The following SPECC1 variants were observed in gnomAD, a reference collection of about 807,000 sequenced individuals.
SPECC1 encodes cytospin-B.
In SPECC1, 62 loss-of-function variants were observed where a neutral mutation model predicts 104.1. The ratio of observed to expected loss-of-function variants is 0.60; its 90% confidence interval spans 0.49 to 0.74. SPECC1 has a LOEUF of 0.74. Ranked by LOEUF, SPECC1 falls within the 30% of genes least tolerant of loss-of-function variation. The probability of loss-of-function intolerance (pLI) is 0.00; values close to 1 mark genes in which losing one functional copy is unlikely to be tolerated. For missense variants in SPECC1, 1,306 were observed against 1,310.5 expected (o/e 1.00, Z 0.05); for synonymous variants, 513 against 501.6 (o/e 1.02, Z -0.30).
At chr17:20,150,019 C>T (rs1420003003) in intron 3 of SPECC1, among the ~76,000 whole-genome samples, 2 of 151,982 alleles carry the variant, frequency 1.3e-5, no homozygotes, top group Non-Finnish European at 2.9e-5. Context: ...GTCTCCCAGG[C>T]TGGAGTGCAG....
At chr17:20,123,833 T>G (rs1171895250) in intron 3 of SPECC1, among the ~76,000 whole-genome samples, 2 of 152,234 alleles carry the variant, frequency 1.3e-5, no homozygotes, top group Non-Finnish European at 2.9e-5. Context: ...ATGGTCTCCT[T>G]TAGTCTTTAC....
chr17:20,204,548 G>C lies in SPECC1; in HGVS notation c.499G>C (p.Glu167Gln), dbSNP rs1380602446. 6.2e-6 allele frequency: 10 copies of C among 1,614,086 alleles called. No individual in the cohort carries two copies. The South Asian group carries it at 9.9e-5, about 16-fold the overall frequency. ...ENEGGEKAAL[E>Q]SQVRELLAEA... Reference sequence around the variant, plus strand: ...TGAAGGTGGAGAAAAGGCTGCGCTTGAGTCCCAAGTTCGGGAACTTTTGGC... The same window carrying C: ...TGAAGGTGGAGAAAAGGCTGCGCTTCAGTCCCAAGTTCGGGAACTTTTGGC... Residue 167 changes from glutamate to glutamine, a missense_variant, in exon 4 of 15, where the codon GAG (glutamate) becomes CAG (glutamine). By Grantham distance (29) the Glu-to-Gln change is conservative. Around this residue, in one of 2 missense-constraint regions of SPECC1, gnomAD observed 1,177 missense variants for 1,139.9 expected, o/e 1.03. Transcript: ENST00000395527.
At chr17:20,156,355 G>A (rs1597835541) in intron 3 of SPECC1, 1 of 1,131,386 alleles carries the variant, frequency 8.8e-7, no homozygotes, top group Non-Finnish European at 1.1e-6. Flanking sequence ...CTAAGGTCCT[G>A]GGGTGTGATT....
rs114778647 is a variant in SPECC1, at chr17:20,105,600, C to T, written c.148-4827C>T. ...CTTACTGCTGACTCCTCACCAGAGA[C>T]CCCCCAGCCCTGAGCATGGTGCTGC... On this transcript the variant is annotated intron_variant, in intron 2 of 14. Transcript: ENST00000395527. 6.6e-3 allele frequency among the ~76,000 whole-genome samples: 1,011 copies of T among 152,266 alleles called. 10 individuals carry two copies. The highest frequency in any genetic ancestry group is 0.023 in the African/African-American group (946 of 41,552).
chr17:20,285,259 C>T, intron 12 of SPECC1, among the ~76,000 whole-genome samples: 1 of 152,154 alleles, frequency 6.6e-6, no homozygotes, highest in East Asian at 1.9e-4. Flanking sequence ...CTCTACATTC[C>T]CCCGTCTGCA....
At chr17:20,302,838 C>A (rs1274954044) in intron 13 of SPECC1, among the ~76,000 whole-genome samples, 2 of 142,048 alleles carry the variant, frequency 1.4e-5, no homozygotes, top group Admixed American at 1.4e-4. Flanking sequence ...TGGGGGATCC[C>A]TTGAGCCCAG....
chr17:20,279,490 T>G (rs1238619271), intron 12 of SPECC1, among the ~76,000 whole-genome samples: 5 of 151,794 alleles, frequency 3.3e-5, no homozygotes, highest in African/African-American at 1.2e-4. Flanking sequence ...GCCCGGCTAA[T>G]TTTGTATTTT....
At chr17:20,117,300 G>A (rs1445872723) in intron 3 of SPECC1, among the ~76,000 whole-genome samples, 2 of 152,060 alleles carry the variant, frequency 1.3e-5, no homozygotes, top group Non-Finnish European at 2.9e-5. Context: ...CAAAGAGAAA[G>A]CATCAGAGAA....
chr17:20,202,817 G>T (rs1046328724), intron 3 of SPECC1, among the ~76,000 whole-genome samples: 2 of 151,994 alleles, frequency 1.3e-5, no homozygotes, highest in Non-Finnish European at 2.9e-5. Flanking sequence ...GTTGTTCAGG[G>T]GTCAACTATA....
chr17:20,197,218 C>T (rs1181044220), intron 3 of SPECC1, among the ~76,000 whole-genome samples: 1 of 152,182 alleles, frequency 6.6e-6, no homozygotes, highest in Non-Finnish European at 1.5e-5. Flanking sequence ...GCTGTTAGAG[C>T]TTGAATATCT....
chr17:20,062,098 A>C (rs1050778763), intron 1 of SPECC1, among the ~76,000 whole-genome samples: 2 of 151,956 alleles, frequency 1.3e-5, no homozygotes, highest in Middle Eastern at 3.4e-3. Flanking sequence ...AAAAAAATAC[A>C]AAAAATTAGC....
intron 1 of SPECC1, among the ~76,000 whole-genome samples, chr17:20,065,597 C>T (rs939571140): frequency 6.6e-6 from 1 of 152,196 alleles, no homozygotes; most frequent in Non-Finnish European, 1.5e-5. Flanking sequence ...GCTGTCCAGA[C>T]GCTCTCTGAA....
rs1194234226 is a variant in SPECC1 at position 20,109,434 on chromosome 17, A to G, written c.148-993A>G. ...GACCCAACAGTAGTTGAGAGAATTC[A>G]GTTGTGGTTTTTCTCATTAACGTTG... On this transcript the variant is annotated intron_variant, in intron 2 of 14. Transcript: ENST00000395527. Among the ~76,000 whole-genome samples, 4 of 152,204 alleles carry G rather than the reference A, an allele frequency of 2.6e-5. No individual in the cohort carries two copies. In the South Asian group the frequency reaches 8.3e-4, roughly 32 times the overall value.
chr17:20,243,604 A>T (rs2039297435), intron 7 of SPECC1, among the ~76,000 whole-genome samples: 1 of 152,220 alleles, frequency 6.6e-6, no homozygotes, highest in South Asian at 2.1e-4. Flanking sequence ...TACATAACAC[A>T]GTGGGTATTT....
chr17:20,190,014 C>T (rs540696518), intron 3 of SPECC1, among the ~76,000 whole-genome samples: 4 of 152,084 alleles, frequency 2.6e-5, no homozygotes, highest in South Asian at 4.2e-4. Context: ...TTTGCAAAGA[C>T]AATTTCTATT....
rs10565315 is a variant in SPECC1 at position 20,264,457 on chromosome 17, A to ATT, written c.2940+4194_2940+4195dup. Among the ~76,000 whole-genome samples the ATT allele has an allele frequency of 7.8e-3, 435 of 55,768 alleles. 41 individuals are homozygous for ATT. Among genetic ancestry groups the ATT allele is most frequent in the Middle Eastern group, 0.032 (2 of 62 alleles). The allele number at this position is 55,768 out of a possible 152,430, so 36.6% of individuals were successfully genotyped here. A position where few individuals can be genotyped will look rare whatever the true frequency, so the allele number is the denominator to read the frequency against. ...TCCATGTGGCTTTTTTTGGAGACGG[A>ATT]TTTTTTTTTTTTTTTTTTTTTTTTT... is the stretch of plus-strand genomic sequence containing the variant. On this transcript the variant is annotated intron_variant, in intron 12 of 14. Transcript: ENST00000395527.
intron 1 of SPECC1, among the ~76,000 whole-genome samples, chr17:20,076,260 C>T (rs1236914061): frequency 6.6e-6 from 1 of 152,198 alleles, no homozygotes; most frequent in East Asian, 1.9e-4. Flanking sequence ...AGTGCAGTAG[C>T]GTGATCTCAG....
intron 1 of SPECC1, among the ~76,000 whole-genome samples, chr17:20,064,151 C>T (rs1392255843): frequency 2.6e-5 from 4 of 152,132 alleles, no homozygotes; most frequent in Admixed American, 6.5e-5. Flanking sequence ...AGACAGGAGT[C>T]GGGGCTTCAG....
chr17:20,247,072 C>G (rs573969331), intron 8 of SPECC1, 147 bp from the exon 9 acceptor site: 5 of 538,932 alleles, frequency 9.3e-6, no homozygotes, highest in Non-Finnish European at 1.6e-5. Flanking sequence ...AGCTCTAGTC[C>G]GGAGAAGAAA....
Sources: allele counts gnomAD v4.1 joint callset (sites outside exome capture counted in the v4.1 genomes callset), GRCh38; gene constraint gnomAD v4.1.1; regional missense constraint gnomAD v4.1.1; transcripts MANE v1.5; gene names NCBI Gene and HGNC (gene_info 2026-07-23, HGNC 2026-07-21).